Variants in BCO1 observed in about 807,000 individuals in gnomAD.
The protein encoded by BCO1 is beta-carotene oxygenase 1, also known as beta,beta-carotene 15,15'-dioxygenase.
A neutral mutation model predicts 56.3 loss-of-function variants in BCO1; 54 were observed. The ratio of observed to expected loss-of-function variants is 0.96; its 90% CI spans 0.77 to 1.20. The LOEUF (loss-of-function observed/expected upper bound fraction) is 1.20, where lower values mean the gene tolerates loss of function less well. Ranked by LOEUF, BCO1 falls within the 50% of genes most tolerant of loss-of-function variation. BCO1 has a pLI of 0.00. For synonymous variants in BCO1, 318 were observed against 266.1 expected (o/e 1.20, Z -1.90); for missense variants, 801 against 690.9 (o/e 1.16, Z -1.79).
chr16:81,285,779 G>A (rs191514674), intron 9 of BCO1, 145 bp downstream of exon 9: 87 of 714,818 alleles, frequency 1.2e-4, no homozygotes, highest in Non-Finnish European at 1.9e-4. Context: ...AAGTAAGGAT[G>A]TTCAGCTGGG....
At chr16:81,246,335 T>C (rs75397794) in intron 2 of BCO1, among the ~76,000 whole-genome samples, 3,786 of 152,250 alleles carry the variant, frequency 0.025, 170 homozygotes, top group East Asian at 0.14. Flanking sequence ...CATTTTGATA[T>C]GTCAGGTCAC....
intron 1 of BCO1, among the ~76,000 whole-genome samples, chr16:81,240,724 A>G (rs1905070579): frequency 6.6e-6 from 1 of 152,064 alleles, no homozygotes; most frequent in Non-Finnish European, 1.5e-5. Flanking sequence ...AATAAAAAAA[A>G]ACCAGGCACC....
chr16:81,276,528 G>A (rs574820245), intron 7 of BCO1, among the ~76,000 whole-genome samples: 1 of 152,350 alleles, frequency 6.6e-6, no homozygotes, highest in East Asian at 1.9e-4. Context: ...ACGCAGTGAG[G>A]GATGGAGCCT....
chr16:81,280,269 C>CAAA (rs58607661), intron 7 of BCO1, among the ~76,000 whole-genome samples: 1 of 36,886 alleles, frequency 2.7e-5, no homozygotes, highest in African/African-American at 8.6e-5. Context: ...GACTCCATCT[C>CAAA]AAAAAAAAAA....
At chr16:81,266,631 A>T (rs532944965) in intron 5 of BCO1, among the ~76,000 whole-genome samples, 1 of 152,252 alleles carries the variant, frequency 6.6e-6, no homozygotes, top group South Asian at 2.1e-4. Flanking sequence ...AGAATGCCAT[A>T]CCTGGGGATT....
intron 7 of BCO1, among the ~76,000 whole-genome samples, chr16:81,272,352 T>C (rs1008098832): frequency 6.6e-6 from 1 of 150,414 alleles, no homozygotes; most frequent in Admixed American, 6.6e-5. Flanking sequence ...CCTCCTGACC[T>C]CATGATCCGC....
chr16:81,242,030 G>A (rs1905146544), intron 1 of BCO1, among the ~76,000 whole-genome samples: 1 of 152,034 alleles, frequency 6.6e-6, no homozygotes, highest in African/African-American at 2.4e-5. Context: ...AGTGGCTGGT[G>A]TATGAATGCA....
At chr16:81,266,827 GCCAC>G (rs1906858913) in intron 5 of BCO1, among the ~76,000 whole-genome samples, 1 of 152,148 alleles carries the variant, frequency 6.6e-6, no homozygotes, top group Admixed American at 6.5e-5. Flanking sequence ...CTCCTCCCAG[GCCAC>G]AGTGCTTTTC....
At position 81,249,243 on chromosome 16, in the gene BCO1, A is replaced by G. The variant is rs146747117; in HGVS notation, c.193+3640A>G. ...GTAGCTAGGATTACAGGCACATGCCACCACATCTGGCTAGTTTTTTTTTCT... is the reference window on the plus strand; with the variant it reads ...GTAGCTAGGATTACAGGCACATGCCGCCACATCTGGCTAGTTTTTTTTTCT... On this transcript the variant is annotated intron_variant, in intron 2 of 10. Coordinates refer to ENST00000258168, the MANE Select transcript of BCO1 (RefSeq NM_017429.3). Among the ~76,000 whole-genome samples, 505 of 151,582 alleles carry G rather than the reference A, an allele frequency of 3.3e-3. 4 individuals are homozygous for G. Among genetic ancestry groups the G allele is most frequent in the African/African-American group, 0.012 (483 of 41,284 alleles).
intron 4 of BCO1, chr16:81,263,538 ATC>A (rs2151937941): frequency 6.6e-6 from 1 of 152,362 alleles, no homozygotes; most frequent in East Asian, 1.9e-4. Flanking sequence ...ACTTCAACCT[ATC>A]TTTTTTGCAA....
chr16:81,259,870 C>T lies in BCO1; in HGVS notation c.323+65C>T. 2.5e-6 allele frequency: 4 copies of T among 1,591,566 alleles called. No individual in the cohort carries two copies. In the South Asian group the frequency reaches 4.4e-5, roughly 18 times the overall value. On this transcript the variant is annotated intron_variant, in intron 3 of 10. Transcript: ENST00000258168. ...TTGCTATCCTTGATGGCTGAAATAA[C>T]CAGCATTTGCTCCTCTGACAATTCT...
At chr16:81,270,913 T>A (rs1187557716) in intron 7 of BCO1, among the ~76,000 whole-genome samples, 2 of 151,738 alleles carry the variant, frequency 1.3e-5, no homozygotes, top group Non-Finnish European at 2.9e-5. Flanking sequence ...CCCAGAGAAT[T>A]TTTTGTATTT....
At chr16:81,266,238 T>C (rs1906821398) in intron 5 of BCO1, among the ~76,000 whole-genome samples, 1 of 152,150 alleles carries the variant, frequency 6.6e-6, no homozygotes, top group Non-Finnish European at 1.5e-5. Flanking sequence ...GCTGGGATCT[T>C]GGAGCAAAGC....
chr16:81,285,908 AG>A (rs1046551605), intron 9 of BCO1, among the ~76,000 whole-genome samples: 2 of 152,210 alleles, frequency 1.3e-5, no homozygotes, highest in African/African-American at 4.8e-5. Flanking sequence ...ACAATGTGGT[AG>A]GCACTGAGGG....
intron 8 of BCO1, among the ~76,000 whole-genome samples, chr16:81,281,303 G>T (rs910960537): frequency 6.6e-6 from 1 of 152,012 alleles, no homozygotes; most frequent in Non-Finnish European, 1.5e-5. Flanking sequence ...AAAATTAGCC[G>T]GGTGTGGTGG....
rs112280859 is a variant in BCO1, at chr16:81,268,650, T to C, written c.843+519T>C. On this transcript the variant is annotated intron_variant, in intron 6 of 10. Coordinates refer to ENST00000258168, the MANE Select transcript of BCO1 (RefSeq NM_017429.3). ...TATGTATGCACGTATTGCATGCTTG[T>C]ATATGCACATATGCATGTATATGTG... 2.4e-3 allele frequency among the ~76,000 whole-genome samples: 373 copies of C among 152,324 alleles called. 3 individuals are homozygous for C. The highest frequency in any genetic ancestry group is 8.4e-3 in the African/African-American group (351 of 41,558).
chr16:81,241,391 T>C (rs1020813304), intron 1 of BCO1, among the ~76,000 whole-genome samples: 14 of 152,198 alleles, frequency 9.2e-5, no homozygotes, highest in Middle Eastern at 3.2e-3. Flanking sequence ...ACCTCATGTT[T>C]AATGACTGCA....
chr16:81,238,753 G>A lies in BCO1; in HGVS notation c.-156G>A. 4.1e-6 allele frequency: 3 copies of A among 731,760 alleles called. No homozygotes were observed. Among genetic ancestry groups the A allele is most frequent in the Non-Finnish European group, 7.4e-6 (3 of 405,644 alleles). The allele number at this position is 731,760 out of a possible 1,614,324, so 45.3% of individuals were successfully genotyped here. On this transcript the variant is annotated 5_prime_UTR_variant, in exon 1 of 11. Transcript: ENST00000258168. ...GTGAGAGCCAGCCAAAAAGGAAAAA[G>A]CAAAGGCAGAAACGGCATCAGGAGA...
At chr16:81,284,597 A>C (rs1597375802) in intron 8 of BCO1, among the ~76,000 whole-genome samples, 2 of 151,940 alleles carry the variant, frequency 1.3e-5, no homozygotes, top group East Asian at 3.8e-4. Flanking sequence ...CACCAGATTT[A>C]ATTAACTGTT....
Sources: gnomAD v4.1 joint callset for allele counts (sites outside exome capture counted in the v4.1 genomes callset) on GRCh38, gnomAD v4.1.1 for gene constraint, MANE v1.5 for transcripts, NCBI Gene and HGNC (gene_info 2026-07-23, HGNC 2026-07-21) for gene names.